ADGRL2: variants seen among roughly 807,000 people sequenced by gnomAD.
ADGRL2 encodes the protein calcium-independent alpha-latrotoxin receptor 2.
A neutral mutation model predicts 157.4 loss-of-function variants in ADGRL2; 44 were observed. The observed-to-expected ratio is 0.28, with a 90% CI of 0.22 to 0.36. ADGRL2 has a LOEUF of 0.36. Among genes scored for constraint, ADGRL2 ranks in the 10% least tolerant of loss-of-function variants. The pLI, the probability that ADGRL2 is intolerant of heterozygous loss-of-function variation, is 1.00. For missense variants in ADGRL2, 1,510 were observed against 1,768.9 expected (o/e 0.85, Z 2.63); for synonymous variants, 585 against 624.7 (o/e 0.94, Z 0.95).
At chr1:81,696,862 G>C (rs911550198), upstream of ADGRL2, among the ~76,000 whole-genome samples, 4 of 152,174 alleles carry the variant, frequency 2.6e-5, no homozygotes, top group Admixed American at 1.3e-4. Context: ...AAACCAATGA[G>C]TTTGATATCA....
At chr1:81,649,690 C>T (rs1294870267) in intron 3 of ADGRL2, among the ~76,000 whole-genome samples, 4 of 152,214 alleles carry the variant, frequency 2.6e-5, no homozygotes, top group Non-Finnish European at 4.4e-5. Context: ...TCCTTTCCCA[C>T]AACCCCTGAG....
chr1:81,765,426 T>G (rs1013933840), intron 2 of ADGRL2, among the ~76,000 whole-genome samples: 2 of 152,050 alleles, frequency 1.3e-5, no homozygotes, highest in Non-Finnish European at 2.9e-5. Context: ...TCATTCAAAC[T>G]ATTTCTTTCT....
intron 1 of ADGRL2, among the ~76,000 whole-genome samples, chr1:81,752,008 C>T (rs1313650035): frequency 6.6e-6 from 1 of 152,116 alleles, no homozygotes; most frequent in African/African-American, 2.4e-5. Flanking sequence ...ATACAGTTTG[C>T]TATGGTCTGA....
Position 81,447,968 on chromosome 1 carries a change from C to T in ADGRL2, c.-248+2879C>T, listed in dbSNP as rs545504540. Among the ~76,000 whole-genome samples the T allele has an allele frequency of 7.9e-5, 12 of 151,926 alleles. No individual in the cohort carries two copies. The South Asian group carries it at 2.3e-3, about 29-fold the overall frequency. On this transcript the variant is annotated intron_variant, in intron 2 of 24. Coordinates refer to the ADGRL2 transcript ENST00000370721. ...TTGTTTAAAAGTCTGTAGCACCTCC[C>T]CTGTCTCTTCCTCCTGCTCCGGCCA...
intron 2 of ADGRL2, among the ~76,000 whole-genome samples, chr1:81,491,864 G>A (rs971136582): frequency 2.6e-5 from 4 of 152,108 alleles, no homozygotes; most frequent in African/African-American, 9.6e-5. Flanking sequence ...AGCTCTCCTT[G>A]TAAACAGGGT....
chr1:81,504,038 C>T (rs1312662035), intron 2 of ADGRL2, among the ~76,000 whole-genome samples: 1 of 152,160 alleles, frequency 6.6e-6, no homozygotes. Context: ...AGTCTTGAAT[C>T]AGTCCTCAGG....
At position 81,815,249 on chromosome 1, in the gene ADGRL2, G is replaced by A. The variant is rs190372178; in HGVS notation, c.-101+14181G>A. Among the ~76,000 whole-genome samples the A allele has an allele frequency of 2.1e-3, 322 of 151,752 alleles. 2 individuals carry two copies. The highest frequency in any genetic ancestry group is 7.5e-3 in the African/African-American group (312 of 41,506). Reference sequence around the variant, plus strand: ...ATTTTGACCAAATATAAGTCAAAGCGGAAAGGTAGTTGTTAATACTCGTGT... The same window carrying A: ...ATTTTGACCAAATATAAGTCAAAGCAGAAAGGTAGTTGTTAATACTCGTGT... On this transcript the variant is annotated intron_variant, in intron 1 of 23. Transcript: ENST00000686636.
intron 1 of ADGRL2, among the ~76,000 whole-genome samples, chr1:81,307,171 T>C (rs556512654): frequency 5.3e-5 from 8 of 152,340 alleles, no homozygotes; most frequent in African/African-American, 1.9e-4. Context: ...AAGTTTAATG[T>C]AGCAAGGCTT....
rs183331512 is a variant in ADGRL2 at position 81,557,246 on chromosome 1, G to A, written c.-247-23630G>A. 90 of 193,256 alleles carry A rather than the reference G, an allele frequency of 4.7e-4. 1 individual carries two copies. Among genetic ancestry groups the A allele is most frequent in the African/African-American group, 2.0e-3 (86 of 42,294 alleles). The allele number at this position is 193,256 out of a possible 1,614,324, so 12.0% of individuals were successfully genotyped here. On this transcript the variant is annotated intron_variant, in intron 2 of 24. Coordinates refer to the ADGRL2 transcript ENST00000370721. ...TGATGTCCTCCAGCACCTGGTGCCA[G>A]CGGCTCAGCTTTATCAAGTGCTTCT...
intron 1 of ADGRL2, among the ~76,000 whole-genome samples, chr1:81,757,549 G>A (rs2085733596): frequency 6.6e-6 from 1 of 152,120 alleles, no homozygotes; most frequent in Non-Finnish European, 1.5e-5. Flanking sequence ...CAATCCAGCT[G>A]TTTCTGTACC....
At chr1:81,730,989 T>C (rs1027191284) in intron 1 of ADGRL2, among the ~76,000 whole-genome samples, 1 of 152,196 alleles carries the variant, frequency 6.6e-6, no homozygotes, top group African/African-American at 2.4e-5. Context: ...GGTAAAATTA[T>C]GAATATATTT....
At chr1:81,709,132 A>G (rs1312299685) in intron 1 of ADGRL2, among the ~76,000 whole-genome samples, 3 of 152,174 alleles carry the variant, frequency 2.0e-5, no homozygotes, top group Admixed American at 6.5e-5. Flanking sequence ...CAATGAAACG[A>G]TGATATACTA....
intron 2 of ADGRL2, among the ~76,000 whole-genome samples, chr1:81,468,888 A>C (rs1242033224): frequency 6.6e-6 from 1 of 152,220 alleles, no homozygotes; most frequent in Admixed American, 6.5e-5. Flanking sequence ...CAATCACAAA[A>C]GTAAACTGTG....
chr1:81,823,326 T>G (rs2091172218), intron 1 of ADGRL2, among the ~76,000 whole-genome samples: 1 of 149,650 alleles, frequency 6.7e-6, no homozygotes, highest in Non-Finnish European at 1.5e-5. Flanking sequence ...TTTCTCTCCT[T>G]CCTTCCTTCC....
intron 1 of ADGRL2, among the ~76,000 whole-genome samples, chr1:81,324,475 C>T (rs911963194): frequency 6.7e-6 from 1 of 150,124 alleles, no homozygotes; most frequent in Non-Finnish European, 1.5e-5. Context: ...CGCTACTGAA[C>T]TCTAGCCTGA....
intron 2 of ADGRL2, among the ~76,000 whole-genome samples, chr1:81,518,957 T>A (rs2079246063): frequency 6.6e-6 from 1 of 152,220 alleles, no homozygotes. Flanking sequence ...TAGATACTGA[T>A]AATCATATCT....
chr1:81,503,266 G>A (rs915046437), intron 2 of ADGRL2: 7 of 1,614,188 alleles, frequency 4.3e-6, no homozygotes, highest in Admixed American at 3.3e-5. Flanking sequence ...CATTGGGAGC[G>A]TTAACATGTC....
intron 2 of ADGRL2, among the ~76,000 whole-genome samples, chr1:81,519,119 C>T (rs527318416): frequency 9.3e-4 from 141 of 152,280 alleles, no homozygotes; most frequent in African/African-American, 3.2e-3. Flanking sequence ...TGGATATTAA[C>T]AAGGCAGAGA....
chr1:81,819,898 C>T (rs1031217679), intron 1 of ADGRL2, among the ~76,000 whole-genome samples: 6 of 152,054 alleles, frequency 3.9e-5, no homozygotes, highest in Admixed American at 2.0e-4. Context: ...TCTGTGCCCT[C>T]GAAGATTTAA....
Sources: gnomAD v4.1 joint callset for allele counts (sites outside exome capture counted in the v4.1 genomes callset) on GRCh38, gnomAD v4.1.1 for gene constraint, MANE v1.5 for transcripts, NCBI Gene and HGNC (gene_info 2026-07-23, HGNC 2026-07-21) for gene names.